UBASH3B: variants seen among roughly 807,000 people sequenced by gnomAD.
UBASH3B encodes the protein ubiquitin-associated and SH3 domain-containing protein B.
Under a neutral mutation model 83.4 loss-of-function variants are expected in UBASH3B, and 37 were observed. The observed-to-expected ratio is 0.44, with a 90% CI of 0.34 to 0.58. UBASH3B has a LOEUF of 0.58. Ranked by LOEUF, UBASH3B falls within the 20% of genes least tolerant of loss-of-function variation. The pLI is 0.01. For missense variants in UBASH3B, 657 were observed against 827.2 expected, an observed-to-expected ratio of 0.79 and a Z score of 2.52; for synonymous variants, 304 against 318.3, an observed-to-expected ratio of 0.96 and a Z score of 0.48.
chr11:122,735,977 A>G (rs1423561745), intron 1 of UBASH3B, among the ~76,000 whole-genome samples: 1 of 152,206 alleles, frequency 6.6e-6, no homozygotes, highest in Non-Finnish European at 1.5e-5. Flanking sequence ...TGAGCTCTAG[A>G]ATAACTGATA....
chr11:122,779,650 A>G lies in UBASH3B; in HGVS notation c.556A>G (p.Lys186Glu). 1 of 1,614,202 alleles carries G rather than the reference A, an allele frequency of 6.2e-7. No homozygotes were observed. The highest frequency in any genetic ancestry group is 1.1e-5 in the South Asian group (1 of 91,074). ...AAAGGAAGACAGTGCGGAGGTCCTCAAGAAGTTTGCTGCTGACTTTGCTGC... is the reference window on the plus strand; with the variant it reads ...AAAGGAAGACAGTGCGGAGGTCCTCGAGAAGTTTGCTGCTGACTTTGCTGC... ...FVKEDSAEVLKKFAADFAAEA... is the reference protein window; with the variant it reads ...FVKEDSAEVLEKFAADFAAEA... Residue 186 changes from lysine to glutamate, a missense_variant, in exon 4 of 14, where the codon AAG (lysine) becomes GAG (glutamate). Transcript: ENST00000284273.
chr11:122,661,731 G>A (rs1863441345), intron 1 of UBASH3B, among the ~76,000 whole-genome samples: 2 of 152,124 alleles, frequency 1.3e-5, no homozygotes, highest in Non-Finnish European at 2.9e-5. Context: ...AGATGAGACT[G>A]GAGGCTTAGA....
At chr11:122,698,028 C>G (rs1336028833) in intron 1 of UBASH3B, among the ~76,000 whole-genome samples, 2 of 152,134 alleles carry the variant, frequency 1.3e-5, no homozygotes, top group Non-Finnish European at 2.9e-5. Context: ...TGCATTTGAA[C>G]CTAGATTTGT....
At chr11:122,656,337 T>C (rs1863362929) in intron 1 of UBASH3B, 127 bp downstream of exon 1, 7 of 1,020,406 alleles carry the variant, frequency 6.9e-6, no homozygotes, top group South Asian at 4.1e-5. Flanking sequence ...CGAGACCTGT[T>C]GGGGGCGGGA....
At chr11:122,764,400 G>A (rs999565524) in intron 1 of UBASH3B, among the ~76,000 whole-genome samples, 8 of 152,212 alleles carry the variant, frequency 5.3e-5, no homozygotes, top group East Asian at 1.9e-4. Context: ...AAAAACGAGA[G>A]CACCAAGTAA....
chr11:122,694,543 T>A (rs1316053533), intron 1 of UBASH3B, among the ~76,000 whole-genome samples: 1 of 151,936 alleles, frequency 6.6e-6, no homozygotes, highest in Non-Finnish European at 1.5e-5. Context: ...TGCAGTCCAG[T>A]CTGGGCAATA....
intron 1 of UBASH3B, among the ~76,000 whole-genome samples, chr11:122,673,445 G>A (rs1565524237): frequency 1.3e-5 from 2 of 152,078 alleles, no homozygotes; most frequent in Admixed American, 6.6e-5. Flanking sequence ...TCAGGAGATC[G>A]AGACCATCCT....
chr11:122,683,363 C>A (rs1863767526), intron 1 of UBASH3B, among the ~76,000 whole-genome samples: 1 of 151,518 alleles, frequency 6.6e-6, no homozygotes, highest in Non-Finnish European at 1.5e-5. Flanking sequence ...ACCTGTAATC[C>A]CAGCAGTGTG....
chr11:122,683,494 A>C (rs1001019099), intron 1 of UBASH3B, among the ~76,000 whole-genome samples: 3 of 151,704 alleles, frequency 2.0e-5, no homozygotes, highest in Non-Finnish European at 4.4e-5. Flanking sequence ...GCACGCCTGT[A>C]ATCCCAGCTA....
intron 1 of UBASH3B, among the ~76,000 whole-genome samples, chr11:122,705,873 C>T (rs1458558793): frequency 1.3e-5 from 2 of 152,072 alleles, no homozygotes; most frequent in African/African-American, 2.4e-5. Flanking sequence ...TAAATCAATC[C>T]GCAGCAGCTG....
chr11:122,811,613 C>A lies in UBASH3B; in HGVS notation c.*1727C>A, dbSNP rs1381163116. 6.6e-6 allele frequency: 1 copy of A among 152,136 alleles called. No homozygotes were observed. Among genetic ancestry groups the A allele is most frequent in the African/African-American group, 2.4e-5 (1 of 41,436 alleles). 9.4% of individuals were successfully genotyped at this position (152,136 alleles called of 1,614,324 possible). ...GTGCTAGGATTACAGGTGTGAGCCA[C>A]CACACCTGGCCCATAGTTGTATTTT... On this transcript the variant is annotated 3_prime_UTR_variant, in exon 14 of 14. Coordinates refer to ENST00000284273, the MANE Select transcript of UBASH3B (RefSeq NM_032873.5).
chr11:122,724,831 C>G (rs1860703889), intron 1 of UBASH3B, among the ~76,000 whole-genome samples: 1 of 152,014 alleles, frequency 6.6e-6, no homozygotes. Flanking sequence ...TGAGCGGCAT[C>G]CTAAGATCCT....
chr11:122,808,826 C>T (rs187898564), intron 13 of UBASH3B, among the ~76,000 whole-genome samples: 1 of 152,092 alleles, frequency 6.6e-6, no homozygotes, highest in East Asian at 1.9e-4. Flanking sequence ...TGCATCTGTC[C>T]TCATTTGTAA....
chr11:122,702,261 G>A (rs1864049116), intron 1 of UBASH3B, among the ~76,000 whole-genome samples: 1 of 152,118 alleles, frequency 6.6e-6, no homozygotes, highest in South Asian at 2.1e-4. Context: ...TTACGTGCAA[G>A]GAAACATTTC....
rs1195618247 is a variant in UBASH3B at position 122,810,331 on chromosome 11, A to G, written c.*445A>G. The G allele has an allele frequency of 6.5e-6, 1 of 154,630 alleles. No homozygotes were observed. The highest frequency in any genetic ancestry group is 2.4e-5 in the African/African-American group (1 of 41,458). The allele number at this position is 154,630 out of a possible 1,614,324, so 9.6% of individuals were successfully genotyped here. ...TTTTTTTTATCTCCATTTTCCAGTTAGGTAGAGCCAAGCTGAGGAATCCTT... is the reference window on the plus strand; with the variant it reads ...TTTTTTTTATCTCCATTTTCCAGTTGGGTAGAGCCAAGCTGAGGAATCCTT... On this transcript the variant is annotated 3_prime_UTR_variant, in exon 14 of 14. Transcript: ENST00000284273.
chr11:122,768,804 C>T (rs114770980), intron 1 of UBASH3B, among the ~76,000 whole-genome samples: 244 of 152,254 alleles, frequency 1.6e-3, no homozygotes, highest in African/African-American at 5.8e-3. Context: ...CGTGCCCAGC[C>T]TATTTACTCA....
intron 5 of UBASH3B, among the ~76,000 whole-genome samples, chr11:122,786,026 G>A (rs77162728): frequency 0.082 from 12,424 of 152,054 alleles, 550 homozygotes; most frequent in Middle Eastern, 0.17. Flanking sequence ...GATTCAAGAG[G>A]TTTTTTGTTT....
chr11:122,670,228 C>T (rs1254098533), intron 1 of UBASH3B, among the ~76,000 whole-genome samples: 2 of 151,958 alleles, frequency 1.3e-5, no homozygotes, highest in African/African-American at 4.8e-5. Flanking sequence ...CAGCTCCCAA[C>T]TGTGAGAAAA....
At chr11:122,695,493 C>A (rs1863954961) in intron 1 of UBASH3B, among the ~76,000 whole-genome samples, 2 of 152,240 alleles carry the variant, frequency 1.3e-5, no homozygotes, top group Non-Finnish European at 2.9e-5. Context: ...AACGCTTCAA[C>A]CCCTTCTGGG....
Sources: allele counts gnomAD v4.1 joint callset (sites outside exome capture counted in the v4.1 genomes callset), GRCh38; gene constraint gnomAD v4.1.1; transcripts MANE v1.5; gene names NCBI Gene and HGNC (gene_info 2026-07-23, HGNC 2026-07-21).